The following GMDS variants were observed in gnomAD, a reference collection of about 807,000 sequenced individuals.
GMDS encodes the protein GDP-mannose 4,6 dehydratase.
GMDS carries 20 observed loss-of-function variants against 49.9 expected under a neutral mutation model. The ratio of observed to expected loss-of-function variants is 0.40; its 90% CI spans 0.28 to 0.58. The LOEUF is 0.58. GMDS is among the 20% of genes least tolerant of loss of function. The pLI is 0.42. For synonymous variants in GMDS, 177 were observed against 178.6 expected (o/e 0.99, Z 0.07); for missense variants, 362 against 481.4 (o/e 0.75, Z 2.32).
At chr6:1,895,229 C>T (rs956041179) in intron 7 of GMDS, among the ~76,000 whole-genome samples, 3 of 152,190 alleles carry the variant, frequency 2.0e-5, no homozygotes, top group South Asian at 4.1e-4. Context: ...CTAAACCTGC[C>T]TTCCGTCCAC....
chr6:1,748,444 G>A (rs112145284), intron 7 of GMDS, among the ~76,000 whole-genome samples: 2 of 152,056 alleles, frequency 1.3e-5, no homozygotes, highest in Non-Finnish European at 2.9e-5. Flanking sequence ...CCTCCAGCCT[G>A]TTCACCTGAT....
intron 1 of GMDS, among the ~76,000 whole-genome samples, chr6:2,202,956 C>T (rs1009507665): frequency 4.6e-5 from 7 of 152,116 alleles, no homozygotes; most frequent in African/African-American, 1.7e-4. Flanking sequence ...GCGCCTGGGT[C>T]TGGGCTGTGC....
chr6:2,043,827 T>C (rs1038720845), intron 4 of GMDS, among the ~76,000 whole-genome samples: 2 of 151,526 alleles, frequency 1.3e-5, no homozygotes, highest in African/African-American at 4.9e-5. Flanking sequence ...TGGTCTAATA[T>C]CCAACACATA....
chr6:1,749,683 A>T (rs1767647601), intron 7 of GMDS, among the ~76,000 whole-genome samples: 1 of 152,126 alleles, frequency 6.6e-6, no homozygotes, highest in African/African-American at 2.4e-5. Context: ...GGTATCTATG[A>T]GGATAGTTTC....
At chr6:1,727,047 C>A (rs1766616257) in intron 8 of GMDS, among the ~76,000 whole-genome samples, 1 of 152,158 alleles carries the variant, frequency 6.6e-6, no homozygotes, top group Non-Finnish European at 1.5e-5. Flanking sequence ...CTCCTGCTCT[C>A]CCGTCAATGG....
At chr6:1,656,868 T>C (rs1184598129) in intron 9 of GMDS, among the ~76,000 whole-genome samples, 1 of 152,162 alleles carries the variant, frequency 6.6e-6, no homozygotes, top group Non-Finnish European at 1.5e-5. Context: ...CAGGACTTTG[T>C]TGGAGAAGTG....
chr6:2,026,682 T>C (rs1768620467), intron 4 of GMDS, among the ~76,000 whole-genome samples: 1 of 152,226 alleles, frequency 6.6e-6, no homozygotes, highest in Non-Finnish European at 1.5e-5. Flanking sequence ...TGGGAATTCC[T>C]CCCAGTGCCT....
Position 2,065,105 on chromosome 6 carries a change from A to G in GMDS, c.345+50666T>C, listed in dbSNP as rs540592754. ...ACAGGCAGACTGCCTCCTCAAGTGG[A>G]TCCCTGACCCCTGACCCCTGAGCAG... On this transcript the variant is annotated intron_variant, in intron 4 of 10. Transcript: ENST00000380815. Among the ~76,000 whole-genome samples, 662 of 152,162 alleles carry G rather than the reference A, an allele frequency of 4.4e-3. 3 individuals are homozygous for G. The highest frequency in any genetic ancestry group is 0.01 in the African/African-American group (429 of 41,522).
chr6:2,021,431 AAG>A (rs1348727228), intron 4 of GMDS, among the ~76,000 whole-genome samples: 1 of 152,204 alleles, frequency 6.6e-6, no homozygotes, highest in African/African-American at 2.4e-5. Flanking sequence ...TTAACAGACT[AAG>A]AGATCTAGGT....
At chr6:1,835,104 G>A (rs1756862978) in intron 7 of GMDS, among the ~76,000 whole-genome samples, 1 of 152,178 alleles carries the variant, frequency 6.6e-6, no homozygotes, top group Non-Finnish European at 1.5e-5. Context: ...TGAGTGCTAA[G>A]TGCTAACACG....
intron 9 of GMDS, among the ~76,000 whole-genome samples, chr6:1,633,553 G>A (rs9378641): frequency 0.037 from 5,642 of 152,168 alleles, 425 homozygotes; most frequent in East Asian, 0.24. Flanking sequence ...GGGCGGGAGG[G>A]CACTCTGTAC....
chr6:2,186,680 C>A (rs544969374), intron 1 of GMDS, among the ~76,000 whole-genome samples: 1 of 152,268 alleles, frequency 6.6e-6, no homozygotes, highest in South Asian at 2.1e-4. Flanking sequence ...AAAATCCATT[C>A]TGTCAAGCAA....
intron 9 of GMDS, among the ~76,000 whole-genome samples, chr6:1,651,875 G>C (rs1763662356): frequency 6.6e-6 from 1 of 152,156 alleles, no homozygotes; most frequent in African/African-American, 2.4e-5. Context: ...CAAATGCCTT[G>C]TTTTTCAAGG....
At chr6:1,894,039 A>C (rs545798104) in intron 7 of GMDS, among the ~76,000 whole-genome samples, 3 of 152,300 alleles carry the variant, frequency 2.0e-5, no homozygotes, top group Admixed American at 6.5e-5. Context: ...GCTGAGAGAC[A>C]AGAGGTCACC....
intron 7 of GMDS, among the ~76,000 whole-genome samples, chr6:1,825,307 C>T: frequency 1.3e-5 from 2 of 152,158 alleles, no homozygotes; most frequent in East Asian, 3.8e-4. Flanking sequence ...TTCTACAAAG[C>T]ATATATTTTC....
At chr6:2,156,064 A>G (rs1177934176) in intron 1 of GMDS, among the ~76,000 whole-genome samples, 1 of 152,184 alleles carries the variant, frequency 6.6e-6, no homozygotes, top group East Asian at 1.9e-4. Flanking sequence ...AATAATTGTT[A>G]GCTTTCCTAA....
intron 9 of GMDS, among the ~76,000 whole-genome samples, chr6:1,630,701 C>A (rs546167872): frequency 1.3e-5 from 2 of 152,208 alleles, no homozygotes; most frequent in Non-Finnish European, 2.9e-5. Context: ...CAAGGTGCTG[C>A]GTCTGTCTGT....
chr6:2,236,471 C>T (rs1183627588), intron 1 of GMDS, among the ~76,000 whole-genome samples: 1 of 152,162 alleles, frequency 6.6e-6, no homozygotes, highest in East Asian at 1.9e-4. Context: ...AGCATATATG[C>T]CACACTTGCA....
intron 7 of GMDS, among the ~76,000 whole-genome samples, chr6:1,870,728 G>A (rs1304667434): frequency 6.6e-6 from 1 of 152,104 alleles, no homozygotes; most frequent in East Asian, 1.9e-4. Flanking sequence ...AGTTTAAGAT[G>A]TCACTTAGAA....
Sources: gnomAD v4.1 joint callset for allele counts (sites outside exome capture counted in the v4.1 genomes callset) on GRCh38, gnomAD v4.1.1 for gene constraint, MANE v1.5 for transcripts, NCBI Gene and HGNC (gene_info 2026-07-23, HGNC 2026-07-21) for gene names.